Variants in OSBP2 observed in about 807,000 individuals in gnomAD.
OSBP2 encodes oxysterol-binding protein 2.
A neutral mutation model predicts 96.0 loss-of-function variants in OSBP2; 66 were observed. The observed-to-expected ratio is 0.69, with a 90% CI of 0.56 to 0.84. The LOEUF is 0.84. OSBP2 is among the 40% of genes least tolerant of loss of function. The pLI is 0.00. For synonymous variants in OSBP2, 525 were observed against 520.9 expected (o/e 1.01, Z -0.11); for missense variants, 1,038 against 1,222.7 (o/e 0.85, Z 2.25).
At chr22:30,819,043 G>A (rs1329048976) in intron 2 of OSBP2, among the ~76,000 whole-genome samples, 1 of 152,170 alleles carries the variant, frequency 6.6e-6, no homozygotes, top group African/African-American at 2.4e-5. Context: ...CTGTTCAAAA[G>A]ACACCCGTGG....
intron 2 of OSBP2, among the ~76,000 whole-genome samples, chr22:30,862,099 C>T (rs1417483132): frequency 6.6e-6 from 1 of 152,230 alleles, no homozygotes; most frequent in Admixed American, 6.5e-5. Flanking sequence ...GTCAGAGGCT[C>T]CCTGTTCTTT....
intron 2 of OSBP2, among the ~76,000 whole-genome samples, chr22:30,782,439 C>T (rs962753278): frequency 5.3e-4 from 81 of 152,238 alleles, no homozygotes; most frequent in African/African-American, 1.9e-3. Context: ...TGATCTGCCT[C>T]GGCCTCCCAA....
intron 2 of OSBP2, among the ~76,000 whole-genome samples, chr22:30,747,721 C>T (rs2090022518): frequency 6.6e-6 from 1 of 152,114 alleles, no homozygotes; most frequent in Non-Finnish European, 1.5e-5. Flanking sequence ...GGCCTTTGTA[C>T]TTCCTGGTCT....
upstream of OSBP2, chr22:30,694,873 C>A (rs1164296329): frequency 3.1e-5 from 32 of 1,040,396 alleles, no homozygotes; most frequent in East Asian, 9.7e-4. Flanking sequence ...CCCCCGCCCC[C>A]ACTGGCCGCT....
chr22:30,703,061 T>C (rs1430977818), intron 1 of OSBP2, among the ~76,000 whole-genome samples: 3 of 152,196 alleles, frequency 2.0e-5, no homozygotes, highest in African/African-American at 7.2e-5. Flanking sequence ...AAATTGGAGA[T>C]TGCAGGCTTA....
intron 2 of OSBP2, among the ~76,000 whole-genome samples, chr22:30,816,684 CT>C (rs1425904720): frequency 6.6e-6 from 1 of 152,174 alleles, no homozygotes; most frequent in Non-Finnish European, 1.5e-5. Flanking sequence ...GGCACCACCC[CT>C]AGCTTTTCCC....
chr22:30,821,411 C>T (rs1282311120), intron 2 of OSBP2, among the ~76,000 whole-genome samples: 2 of 152,228 alleles, frequency 1.3e-5, no homozygotes, highest in African/African-American at 2.4e-5. Context: ...GTCAAGGGAT[C>T]CTGGCTGTAT....
intron 2 of OSBP2, among the ~76,000 whole-genome samples, chr22:30,809,178 G>A (rs539812508): frequency 1.2e-4 from 19 of 152,232 alleles, no homozygotes; most frequent in African/African-American, 2.9e-4. Flanking sequence ...TTAGACATCC[G>A]GCCTCCAGAA....
chr22:30,769,390 C>G (rs1316115646), intron 2 of OSBP2, among the ~76,000 whole-genome samples: 2 of 152,216 alleles, frequency 1.3e-5, no homozygotes, highest in Non-Finnish European at 2.9e-5. Context: ...TGGCTCACAT[C>G]TGTATTCCCA....
chr22:30,819,764 G>T (rs925844162), intron 2 of OSBP2, among the ~76,000 whole-genome samples: 1 of 152,058 alleles, frequency 6.6e-6, no homozygotes, highest in African/African-American at 2.4e-5. Flanking sequence ...GGTATGTTTT[G>T]TTCCCTTTCT....
At chr22:30,696,528 G>A (rs1007380308) in intron 1 of OSBP2, among the ~76,000 whole-genome samples, 3 of 152,210 alleles carry the variant, frequency 2.0e-5, no homozygotes, top group African/African-American at 7.2e-5. Flanking sequence ...ACCACACTCT[G>A]AGAAGCACTG....
chr22:30,699,594 C>G (rs1167774639), intron 1 of OSBP2, among the ~76,000 whole-genome samples: 1 of 152,150 alleles, frequency 6.6e-6, no homozygotes, highest in Admixed American at 6.6e-5. Flanking sequence ...TTTTGCTAAT[C>G]GAATGGGAAC....
intron 1 of OSBP2, 74 bp downstream of exon 1, chr22:30,695,627 A>G (rs2089015534): frequency 3.3e-6 from 5 of 1,536,638 alleles, no homozygotes; most frequent in Admixed American, 3.8e-5. Context: ...GAGGGCCTCC[A>G]TGGTTGGCGG....
chr22:30,776,346 A>G (rs1340060486), intron 2 of OSBP2, among the ~76,000 whole-genome samples: 1 of 152,054 alleles, frequency 6.6e-6, no homozygotes, highest in Non-Finnish European at 1.5e-5. Flanking sequence ...GCTGGTCTCC[A>G]ACTCCTGAGG....
At chr22:30,868,008 C>T (rs148134573) in intron 2 of OSBP2, among the ~76,000 whole-genome samples, 1 of 152,266 alleles carries the variant, frequency 6.6e-6, no homozygotes, top group Non-Finnish European at 1.5e-5. Context: ...AGCACAGGCT[C>T]TAAAGCCAGA....
At chr22:30,894,192 A>T in intron 12 of OSBP2, 191 bp downstream of exon 12, 1 of 595,494 alleles carries the variant, frequency 1.7e-6, no homozygotes, top group Non-Finnish European at 3.0e-6. Flanking sequence ...ACTATCAAAC[A>T]CTATGCACAG....
upstream of OSBP2, chr22:30,693,833 G>A (rs2088969187): frequency 2.1e-6 from 1 of 482,516 alleles, no homozygotes; most frequent in African/African-American, 2.0e-5. Flanking sequence ...TGGGCATGGT[G>A]CGGGCCGTGG....
intron 2 of OSBP2, among the ~76,000 whole-genome samples, chr22:30,779,078 T>C (rs1046018820): frequency 3.3e-5 from 5 of 151,808 alleles, no homozygotes. Flanking sequence ...TTAAAGTTTT[T>C]TGGTGTATAT....
In OSBP2 at chr22:30,905,934, G is replaced by T; in HGVS notation, c.2473G>T (p.Asp825Tyr). Residue 825 changes from aspartate to tyrosine, a missense_variant, in exon 13 of 14, where the codon GAC (aspartate) becomes TAC (tyrosine). By Grantham distance (160) the Asp-to-Tyr change is radical. Around this residue, in one of 3 missense-constraint regions of OSBP2, gnomAD observed 737 missense variants for 913.3 expected, o/e 0.81. Coordinates refer to ENST00000332585, the MANE Select transcript of OSBP2 (RefSeq NM_030758.4). The stretch of plus-strand genomic sequence containing the variant: ...GCCAACCGACAGCCGCCTGCGGCCC[G>T]ACCAGCGGCTGATGGAGAAGGGCCG... ...VAPTDSRLRPDQRLMEKGRWD... is the reference protein window; with the variant it reads ...VAPTDSRLRPYQRLMEKGRWD... The T allele has an allele frequency of 6.2e-7, 1 of 1,612,652 alleles. No individual in the cohort carries two copies. Among genetic ancestry groups the T allele is most frequent in the South Asian group, 1.1e-5 (1 of 90,980 alleles).
Sources: gnomAD v4.1 joint callset for allele counts (sites outside exome capture counted in the v4.1 genomes callset) on GRCh38, gnomAD v4.1.1 for gene constraint, gnomAD v4.1.1 regional missense constraint, MANE v1.5 for transcripts, NCBI Gene and HGNC (gene_info 2026-07-23, HGNC 2026-07-21) for gene names.